The following IL1RAPL2 variants were observed in gnomAD, a reference collection of about 807,000 sequenced individuals.
IL1RAPL2 encodes the protein interleukin 1 receptor accessory protein like 2.
Under a neutral mutation model 44.1 loss-of-function variants are expected in IL1RAPL2, and 3 were observed. The ratio of observed to expected loss-of-function variants is 0.07; its 90% CI spans 0.03 to 0.18. The LOEUF is 0.18. Among genes scored for constraint, IL1RAPL2 ranks in the 10% least tolerant of loss-of-function variants. The pLI is 1.00. For synonymous variants in IL1RAPL2, 181 were observed against 178.8 expected (o/e 1.01, Z -0.10); for missense variants, 391 against 496.4 (o/e 0.79, Z 2.02).
intron 4 of IL1RAPL2, among the ~76,000 whole-genome samples, chrX:105,254,122 C>T (rs1040078887): frequency 1.8e-5 from 2 of 111,705 alleles, no homozygotes; most frequent in African/African-American, 3.3e-5. Flanking sequence ...TTTGAGGAAT[C>T]GCCATACTGC....
intron 2 of IL1RAPL2, among the ~76,000 whole-genome samples, chrX:105,011,562 G>A (rs2031048315): frequency 9.0e-6 from 1 of 111,604 alleles, no homozygotes. Context: ...ATTCATGTAA[G>A]TTGAATCAAA....
At chrX:105,173,021 G>T (rs914622185) in intron 2 of IL1RAPL2, among the ~76,000 whole-genome samples, 1 of 110,928 alleles carries the variant, frequency 9.0e-6, no homozygotes, top group Non-Finnish European at 1.9e-5. Context: ...TTAATAATTT[G>T]TGGTCTAGGT....
rs1205128510 is a variant in IL1RAPL2, at chrX:104,947,885, T to G, written c.83-247590T>G. On this transcript the variant is annotated intron_variant, in intron 2 of 10. Coordinates refer to ENST00000372582, the MANE Select transcript of IL1RAPL2 (RefSeq NM_017416.2). ...GGCTTTCTTCTTTTGGCTTAGGATT[T>G]ACTTGGTGATGTGGGCTCTTTTTTG... Among the ~76,000 whole-genome samples the G allele has an allele frequency of 1.5e-3, 165 of 112,013 alleles. 1 individual carries two copies. The highest frequency in any genetic ancestry group is 4.9e-3 in the African/African-American group (152 of 30,856).
At chrX:104,844,751 C>T (rs925055772) in intron 2 of IL1RAPL2, among the ~76,000 whole-genome samples, 3 of 111,877 alleles carry the variant, frequency 2.7e-5, no homozygotes, top group Non-Finnish European at 5.6e-5. Flanking sequence ...TGATTTAAAA[C>T]TTTTTCCAAA....
At chrX:105,385,752 G>C (rs1358594363) in intron 5 of IL1RAPL2, among the ~76,000 whole-genome samples, 1 of 110,351 alleles carries the variant, frequency 9.1e-6, no homozygotes, top group South Asian at 3.9e-4. Context: ...CTGATATTAA[G>C]TTGATGGTAA....
At chrX:104,946,009 T>C (rs1925336526) in intron 2 of IL1RAPL2, among the ~76,000 whole-genome samples, 1 of 110,755 alleles carries the variant, frequency 9.0e-6, no homozygotes. Flanking sequence ...TTTCATAAGA[T>C]GGATGGTGAT....
intron 1 of IL1RAPL2, among the ~76,000 whole-genome samples, chrX:104,627,175 C>T (rs906624922): frequency 1.8e-5 from 2 of 109,289 alleles, no homozygotes; most frequent in Non-Finnish European, 3.8e-5. Flanking sequence ...GAAGCATTGG[C>T]TTGAATTTGT....
intron 5 of IL1RAPL2, among the ~76,000 whole-genome samples, chrX:105,387,766 C>T (rs1407993030): frequency 9.0e-6 from 1 of 110,904 alleles, no homozygotes; most frequent in Non-Finnish European, 1.9e-5. Context: ...ATACTTTAAA[C>T]ACTTAAGACT....
rs150684911 is a variant in IL1RAPL2, at chrX:105,654,954, A to G, written c.773-62413A>G. Among the ~76,000 whole-genome samples the G allele has an allele frequency of 1.4e-3, 153 of 111,846 alleles. 1 individual carries two copies. The highest frequency in any genetic ancestry group is 4.8e-3 in the African/African-American group (148 of 30,828). ...CTTCCCACTTATCCCATTGACAGAC[A>G]ATCCCTGGAGCAAGGGTAGGCAGAA... On this transcript the variant is annotated intron_variant, in intron 6 of 10. Transcript: ENST00000372582.
chrX:104,892,161 G>C (rs1923471931), intron 2 of IL1RAPL2, among the ~76,000 whole-genome samples: 1 of 111,460 alleles, frequency 9.0e-6, no homozygotes, highest in Admixed American at 9.5e-5. Context: ...GATCATGGTG[G>C]ATAAGCTTTT....
intron 2 of IL1RAPL2, among the ~76,000 whole-genome samples, chrX:105,176,733 C>A: frequency 9.1e-6 from 1 of 110,463 alleles, no homozygotes; most frequent in Non-Finnish European, 1.9e-5. Flanking sequence ...AAGGAGGAGT[C>A]CTCCCTCTTT....
chrX:105,294,659 C>CA (rs2034641415), intron 5 of IL1RAPL2, among the ~76,000 whole-genome samples: 1 of 112,050 alleles, frequency 8.9e-6, no homozygotes, highest in Non-Finnish European at 1.9e-5. Context: ...ATCAGTAAAT[C>CA]AATCAGATTT....
At position 105,093,194 on chromosome X, in the gene IL1RAPL2, AAC is replaced by A. The variant is rs748741070; in HGVS notation, c.83-102262_83-102261del. 6.3e-3 allele frequency among the ~76,000 whole-genome samples: 674 copies of A among 106,980 alleles called. 3 individuals are homozygous for A. The highest frequency in any genetic ancestry group is 0.019 in the Middle Eastern group (4 of 211). 92.9% of individuals were successfully genotyped at this position (106,980 alleles called of 115,157 possible). On this transcript the variant is annotated intron_variant, in intron 2 of 10. Coordinates refer to ENST00000372582, the MANE Select transcript of IL1RAPL2 (RefSeq NM_017416.2). ...GTGCACACATGCATGCACACACAGA[AAC>A]ACACACACACACACACACCTCAACT...
chrX:105,159,984 C>A (rs1340671910), intron 2 of IL1RAPL2, among the ~76,000 whole-genome samples: 1 of 68,284 alleles, frequency 1.5e-5, no homozygotes, highest in African/African-American at 7.1e-5. Flanking sequence ...CTTAAAGAAC[C>A]CCCCCCCCCA....
At chrX:104,578,862 GGAAAT>G (rs975141279) in intron 1 of IL1RAPL2, among the ~76,000 whole-genome samples, 19 of 111,011 alleles carry the variant, frequency 1.7e-4, no homozygotes, top group Non-Finnish European at 7.5e-5. Context: ...GTTCAAGAAA[GGAAAT>G]GAAATCATAA....
In IL1RAPL2 at chrX:104,791,238, C is replaced by T. The variant is rs750781545; in HGVS notation, c.82+132243C>T. 7.7e-5 allele frequency among the ~76,000 whole-genome samples: 8 copies of T among 103,486 alleles called. No individual in the cohort carries two copies. The South Asian group carries it at 4.0e-3, about 52-fold the overall frequency. 89.9% of individuals were successfully genotyped at this position (103,486 alleles called of 115,157 possible). A position where few individuals can be genotyped will look rare whatever the true frequency, so the allele number is the denominator to read the frequency against. On this transcript the variant is annotated intron_variant, in intron 2 of 10. Transcript: ENST00000372582. Reference sequence around the variant, plus strand: ...CTCCCTCCTCTCTCCACCCCCACCCCTCCCCCATCTGTTTACCTCAAGGCC... The same window carrying T: ...CTCCCTCCTCTCTCCACCCCCACCCTTCCCCCATCTGTTTACCTCAAGGCC...
intron 2 of IL1RAPL2, among the ~76,000 whole-genome samples, chrX:104,903,267 A>T (rs1923870007): frequency 8.9e-6 from 1 of 112,292 alleles, no homozygotes; most frequent in South Asian, 3.7e-4. Flanking sequence ...GAATAAGCAA[A>T]TGCATTAAGT....
chrX:105,659,462 C>T (rs1005799962), intron 6 of IL1RAPL2, among the ~76,000 whole-genome samples: 1 of 109,338 alleles, frequency 9.1e-6, no homozygotes, highest in African/African-American at 3.3e-5. Context: ...TCGAGACCAT[C>T]CTGGCTAAAA....
rs1337835027 is a variant in IL1RAPL2 at position 105,434,067 on chromosome X, A to G, written c.698-50246A>G. ...AAACCAACAACACAATGAAAAATAG[A>G]TTGAACAGATAGTTGACCAAAGAAG... On this transcript the variant is annotated intron_variant, in intron 5 of 10. Coordinates refer to ENST00000372582, the MANE Select transcript of IL1RAPL2 (RefSeq NM_017416.2). Among the ~76,000 whole-genome samples, 4 of 111,935 alleles carry G rather than the reference A, an allele frequency of 3.6e-5. 1 individual carries two copies. The highest frequency in any genetic ancestry group is 1.9e-4 in the Admixed American group (2 of 10,526).
Sources: allele counts gnomAD v4.1 joint callset (sites outside exome capture counted in the v4.1 genomes callset), GRCh38; gene constraint gnomAD v4.1.1; transcripts MANE v1.5; gene names NCBI Gene and HGNC (gene_info 2026-07-23, HGNC 2026-07-21).